Variants in ABCA13 observed in about 807,000 individuals in gnomAD.
ABCA13 encodes ATP-binding cassette sub-family A member 13.
In ABCA13, 476 loss-of-function variants were observed where a neutral mutation model predicts 478.7. The observed-to-expected ratio is 0.99, with a 90% CI of 0.92 to 1.07. The LOEUF (loss-of-function observed/expected upper bound fraction) is 1.07. ABCA13 is among the 50% of genes least tolerant of loss of function. ABCA13 has a pLI of 0.00. For missense variants in ABCA13, 6,060 were observed against 5,910.6 expected, an observed-to-expected ratio of 1.03 and a Z score of -0.83; for synonymous variants, 2,252 against 2,158.9, an observed-to-expected ratio of 1.04 and a Z score of -1.20.
At chr7:48,496,536 T>A (rs1830293691) in intron 48 of ABCA13, among the ~76,000 whole-genome samples, 1 of 152,172 alleles carries the variant, frequency 6.6e-6, no homozygotes, top group African/African-American at 2.4e-5. Flanking sequence ...TTGATGTTCA[T>A]CTTTCCTTTT....
intron 59 of ABCA13, among the ~76,000 whole-genome samples, chr7:48,630,369 A>G (rs1202579924): frequency 6.6e-6 from 1 of 152,098 alleles, no homozygotes. Flanking sequence ...GTTTTCATGC[A>G]TACTCGTTGT....
chr7:48,562,108 G>A (rs1044928672), intron 55 of ABCA13, among the ~76,000 whole-genome samples: 3 of 137,152 alleles, frequency 2.2e-5, no homozygotes, highest in African/African-American at 9.4e-5. Flanking sequence ...TATGTATGGG[G>A]GGGGAGGTGG....
Position 48,297,306 on chromosome 7 carries a change from C to G in ABCA13, c.9194C>G (p.Thr3065Ser). 1.2e-6 allele frequency: 2 copies of G among 1,606,306 alleles called. No homozygotes were observed. The change falls in exon 22 of 62, where the codon ACT (threonine) becomes AGT (serine). Residue 3065 changes from threonine to serine, a missense_variant. Thr to Ser is a moderately conservative substitution (Grantham distance 58). Around this residue, in one of 3 missense-constraint regions of ABCA13, gnomAD observed 4,423 missense variants for 4,309.1 expected, o/e 1.03. Coordinates refer to ENST00000435803, the MANE Select transcript of ABCA13 (RefSeq NM_152701.5). ...ACTTTTCTCAGCAATTTCACAGTAA[C>G]TGAGGGTAAGTATGTGGTTTTCCAA... Reference protein sequence around the residue: ...IMTFLSNFTVTEDVKIKDLMK... With the variant: ...IMTFLSNFTVSEDVKIKDLMK...
intron 41 of ABCA13, among the ~76,000 whole-genome samples, chr7:48,427,424 G>A (rs1440211178): frequency 2.0e-5 from 3 of 152,152 alleles, no homozygotes; most frequent in Non-Finnish European, 2.9e-5. Flanking sequence ...TAAGATGCTG[G>A]TACAGTGAGT....
At chr7:48,560,327 C>T (rs1786323099) in intron 55 of ABCA13, among the ~76,000 whole-genome samples, 1 of 152,136 alleles carries the variant, frequency 6.6e-6, no homozygotes, top group Non-Finnish European at 1.5e-5. Context: ...CCAAGTCCCC[C>T]AGTCACTGTG....
chr7:48,199,552 C>T (rs931548400), intron 3 of ABCA13, among the ~76,000 whole-genome samples: 1 of 152,088 alleles, frequency 6.6e-6, no homozygotes, highest in Admixed American at 6.5e-5. Flanking sequence ...TATGTTTCAA[C>T]GTAAAAATTT....
chr7:48,210,418 GTTGT>G (rs1413698001), intron 3 of ABCA13, among the ~76,000 whole-genome samples: 3 of 152,164 alleles, frequency 2.0e-5, no homozygotes, highest in African/African-American at 4.8e-5. Flanking sequence ...ACATAGTTAG[GTTGT>G]TTATTTGAAG....
chr7:48,645,928 A>G lies in ABCA13; in HGVS notation c.*416A>G. On this transcript the variant is annotated 3_prime_UTR_variant, in exon 62 of 62. Transcript: ENST00000435803. ...CCCTCCCCACAGGTTAAAAAACTTT[A>G]GTAACTTGTTTGTATAGAAAATAGT... 5.9e-6 allele frequency: 1 copy of G among 169,380 alleles called. No individual in the cohort carries two copies. The allele number at this position is 169,380 out of a possible 1,614,324, so 10.5% of individuals were successfully genotyped here. A position where few individuals can be genotyped will look rare whatever the true frequency, so the allele number is the denominator to read the frequency against.
chr7:48,601,654 G>A (rs1790907210), intron 58 of ABCA13, among the ~76,000 whole-genome samples: 2 of 152,102 alleles, frequency 1.3e-5, no homozygotes, highest in East Asian at 3.9e-4. Flanking sequence ...CCAAGTCTTT[G>A]CTTTTGTGAA....
At chr7:48,303,713 A>C (rs2128863526) in intron 23 of ABCA13, among the ~76,000 whole-genome samples, 1 of 152,282 alleles carries the variant, frequency 6.6e-6, no homozygotes, top group South Asian at 2.1e-4. Flanking sequence ...TTTTTGTGCC[A>C]GTACCATGCT....
chr7:48,306,488 T>A (rs1800918074), intron 23 of ABCA13, among the ~76,000 whole-genome samples: 1 of 152,154 alleles, frequency 6.6e-6, no homozygotes, highest in African/African-American at 2.4e-5. Flanking sequence ...TGCAAAAGCC[T>A]ATTTTGTGGG....
At chr7:48,611,323 C>T (rs1234918534) in intron 58 of ABCA13, among the ~76,000 whole-genome samples, 1 of 152,176 alleles carries the variant, frequency 6.6e-6, no homozygotes, top group Non-Finnish European at 1.5e-5. Flanking sequence ...CCCATCTTCT[C>T]CTGAGCCCTC....
intron 59 of ABCA13, among the ~76,000 whole-genome samples, chr7:48,628,866 G>C (rs1793906635): frequency 6.6e-6 from 1 of 152,314 alleles, no homozygotes; most frequent in Admixed American, 6.5e-5. Context: ...CTTTCAGAAT[G>C]CTGCAACTAG....
intron 42 of ABCA13, among the ~76,000 whole-genome samples, chr7:48,444,036 A>T (rs924598931): frequency 6.6e-6 from 1 of 151,748 alleles, no homozygotes; most frequent in African/African-American, 2.4e-5. Context: ...TTCCTGTTAC[A>T]GAGTAGGGCC....
At chr7:48,610,951 G>A (rs528506119) in intron 58 of ABCA13, among the ~76,000 whole-genome samples, 28 of 152,304 alleles carry the variant, frequency 1.8e-4, no homozygotes, top group African/African-American at 6.3e-4. Context: ...CTGCCTAGAA[G>A]GTCTCTGAAA....
Position 48,516,838 on chromosome 7 carries a change from T to C in ABCA13, c.13754T>C (p.Ile4585Thr), listed in dbSNP as rs1356939204. The change falls in exon 52 of 62, where the codon ATA becomes ACA. Residue 4585 changes from isoleucine to threonine, a missense_variant. By Grantham distance (89) the Ile-to-Thr change is moderately conservative (BLOSUM62 -1). Coordinates refer to ENST00000435803, the MANE Select transcript of ABCA13 (RefSeq NM_152701.5). ...ATCTTTGGCCTTTGTACCATGCTCA[T>C]AACCATTATGCCCCGGTTGCTAGCC... ...NFIFGLCTML[I>T]TIMPRLLAII... is the part of the protein sequence containing the mutation. 6.2e-7 allele frequency: 1 copy of C among 1,613,694 alleles called. No homozygotes were observed. The highest frequency in any genetic ancestry group is 8.5e-7 in the Non-Finnish European group (1 of 1,179,722).
intron 43 of ABCA13, among the ~76,000 whole-genome samples, chr7:48,455,696 T>C: frequency 6.6e-6 from 1 of 152,248 alleles, no homozygotes; most frequent in Non-Finnish European, 1.5e-5. Flanking sequence ...TCCACAGTTG[T>C]TTCTGGGACA....
At chr7:48,199,426 C>T (rs921190118) in intron 3 of ABCA13, among the ~76,000 whole-genome samples, 4 of 152,148 alleles carry the variant, frequency 2.6e-5, no homozygotes, top group Admixed American at 6.5e-5. Context: ...GCTGTGTTCT[C>T]ACATAATGGA....
chr7:48,535,648 G>C (rs1833518437), intron 55 of ABCA13, among the ~76,000 whole-genome samples: 1 of 152,042 alleles, frequency 6.6e-6, no homozygotes, highest in Admixed American at 6.6e-5. Context: ...AGTTAGGTGT[G>C]TCTGAGCTCA....
Sources: gnomAD v4.1 joint callset for allele counts (sites outside exome capture counted in the v4.1 genomes callset) on GRCh38, gnomAD v4.1.1 for gene constraint, gnomAD v4.1.1 regional missense constraint, MANE v1.5 for transcripts, NCBI Gene and HGNC (gene_info 2026-07-23, HGNC 2026-07-21) for gene names.